Variants in PACRGL observed in about 807,000 individuals in gnomAD.
PACRGL encodes PACRG-like protein.
Under a neutral mutation model 34.5 loss-of-function variants are expected in PACRGL, and 38 were observed. That is an observed-to-expected ratio of 1.10 (90% CI 0.85 to 1.44). The LOEUF (loss-of-function observed/expected upper bound fraction) is 1.44. Among genes scored for constraint, PACRGL ranks in the 40% most tolerant of loss-of-function variants. The probability of loss-of-function intolerance (pLI) is 0.00; values close to 1 mark genes in which losing one functional copy is unlikely to be tolerated. For synonymous variants in PACRGL, 128 were observed against 100.1 expected, an observed-to-expected ratio of 1.28 and a Z score of -1.66; for missense variants, 305 against 281.4, an observed-to-expected ratio of 1.08 and a Z score of -0.60.
At chr4:20,696,674 C>T (rs1731256691), upstream of PACRGL, among the ~76,000 whole-genome samples, 1 of 152,208 alleles carries the variant, frequency 6.6e-6, no homozygotes, top group African/African-American at 2.4e-5. Context: ...AGTATGTACT[C>T]TCTAGCTATT....
intron 8 of PACRGL, 100 bp downstream of exon 8, chr4:20,724,988 C>A: frequency 1.6e-6 from 1 of 619,366 alleles, no homozygotes; most frequent in Non-Finnish European, 2.4e-6. Context: ...TCATTTCAGC[C>A]ACAGGTAACT....
intron 8 of PACRGL, among the ~76,000 whole-genome samples, chr4:20,746,595 G>C (rs1009155608): frequency 2.0e-5 from 3 of 152,022 alleles, no homozygotes; most frequent in Admixed American, 6.6e-5. Context: ...TTTGGTGCCA[G>C]ACACAGAGCC....
intron 1 of PACRGL, chr4:20,702,542 ATGT>A (rs1363795601): frequency 5.8e-6 from 1 of 173,236 alleles, no homozygotes; most frequent in Admixed American, 5.8e-5. Flanking sequence ...CATTATGGAA[ATGT>A]TGTTTTACAT....
chr4:20,714,159 T>A (rs1476682368), intron 7 of PACRGL, among the ~76,000 whole-genome samples: 1 of 152,206 alleles, frequency 6.6e-6, no homozygotes, highest in East Asian at 1.9e-4. Context: ...CACTCAGGAC[T>A]TGCTTTATGA....
At chr4:20,744,195 G>T (rs1751871386) in intron 8 of PACRGL, among the ~76,000 whole-genome samples, 1 of 152,206 alleles carries the variant, frequency 6.6e-6, no homozygotes, top group African/African-American at 2.4e-5. Context: ...CATTGTGGAA[G>T]ACTGGTGACT....
At chr4:20,717,337 A>C (rs1303158535) in intron 7 of PACRGL, among the ~76,000 whole-genome samples, 1 of 152,154 alleles carries the variant, frequency 6.6e-6, no homozygotes, top group Non-Finnish European at 1.5e-5. Flanking sequence ...CTTTAGTTTA[A>C]TTAGACACCA....
At chr4:20,703,792 G>C (rs541045421) in intron 1 of PACRGL, among the ~76,000 whole-genome samples, 1 of 152,254 alleles carries the variant, frequency 6.6e-6, no homozygotes, top group East Asian at 1.9e-4. Flanking sequence ...ATAATTGGTA[G>C]AACTGAGATG....
chr4:20,746,359 C>G (rs778291877), intron 8 of PACRGL, among the ~76,000 whole-genome samples: 16 of 152,008 alleles, frequency 1.1e-4, no homozygotes, highest in Non-Finnish European at 2.1e-4. Context: ...ACATCACACA[C>G]CAGGGCATGT....
At chr4:20,704,837 C>G (rs187438870) in intron 3 of PACRGL, 23 bp downstream of exon 3, 1 of 1,611,064 alleles carries the variant, frequency 6.2e-7, no homozygotes, top group Non-Finnish European at 8.5e-7. Flanking sequence ...CTATTCCTAA[C>G]TCAGTAGATT....
At chr4:20,701,702 C>T (rs1248894881) in intron 1 of PACRGL, 4 of 336,178 alleles carry the variant, frequency 1.2e-5, no homozygotes, top group Non-Finnish European at 2.4e-5. Context: ...CTACATTTCC[C>T]GTCGTCCCTT....
At chr4:20,697,179 T>G (rs1731278375), upstream of PACRGL, among the ~76,000 whole-genome samples, 1 of 152,198 alleles carries the variant, frequency 6.6e-6, no homozygotes, top group South Asian at 2.1e-4. Flanking sequence ...AATGATGATG[T>G]CTAACATTTC....
chr4:20,745,731 G>T (rs1477578846), intron 8 of PACRGL, among the ~76,000 whole-genome samples: 2 of 152,148 alleles, frequency 1.3e-5, no homozygotes, highest in Non-Finnish European at 2.9e-5. Context: ...TTCAGTTGTG[G>T]ATTCTGTTCA....
At chr4:20,748,596 ATATATATATTC>A (rs1412933121) in intron 8 of PACRGL, among the ~76,000 whole-genome samples, 1,609 of 111,762 alleles carry the variant, frequency 0.014, 12 homozygotes, top group Non-Finnish European at 0.024. Flanking sequence ...ATATATATAT[ATATATATATTC>A]CATAAGTAAA....
intron 8 of PACRGL, among the ~76,000 whole-genome samples, chr4:20,739,498 G>C (rs1052869843): frequency 3.3e-5 from 5 of 152,172 alleles, no homozygotes; most frequent in Non-Finnish European, 7.3e-5. Flanking sequence ...CTGCAGCTGA[G>C]GGTCCTGACT....
upstream of PACRGL, among the ~76,000 whole-genome samples, chr4:20,698,931 T>A (rs923793413): frequency 5.3e-5 from 8 of 152,172 alleles, no homozygotes; most frequent in Non-Finnish European, 8.8e-5. Context: ...AACCCAATAA[T>A]GAAGAGGAAA....
At chr4:20,758,562 CATT>C in the PACRGL span, among the ~76,000 whole-genome samples, 126 of 152,174 alleles carry the variant, frequency 8.3e-4, no homozygotes, top group Middle Eastern at 6.8e-3. Context: ...AGTCAGAAAA[CATT>C]GTGCATTTGA....
intron 8 of PACRGL, among the ~76,000 whole-genome samples, chr4:20,743,930 A>T (rs541966770): frequency 3.1e-4 from 47 of 152,188 alleles, no homozygotes; most frequent in African/African-American, 1.1e-3. Flanking sequence ...GAAAAAAAAA[A>T]ACCCTTCAAA....
At chr4:20,740,540 C>T (rs551588641) in intron 8 of PACRGL, among the ~76,000 whole-genome samples, 10 of 152,218 alleles carry the variant, frequency 6.6e-5, no homozygotes, top group East Asian at 1.9e-4. Flanking sequence ...ATTTTGTCAC[C>T]GCCAGGCCTG....
intron 7 of PACRGL, among the ~76,000 whole-genome samples, chr4:20,716,589 T>C (rs1049297292): frequency 5.3e-5 from 8 of 152,302 alleles, no homozygotes; most frequent in African/African-American, 1.4e-4. Context: ...CCGTGTTTGG[T>C]TTTCTGTCCT....
Sources: allele counts gnomAD v4.1 joint callset (sites outside exome capture counted in the v4.1 genomes callset), GRCh38; gene constraint gnomAD v4.1.1; transcripts MANE v1.5; gene names NCBI Gene and HGNC (gene_info 2026-07-23, HGNC 2026-07-21).